ELAPOR2: variants seen among roughly 807,000 people sequenced by gnomAD.
ELAPOR2 encodes endosome-lysosome associated apoptosis and autophagy regulator family member 2, also known as endosome/lysosome-associated apoptosis and autophagy regulator family member 2.
Under a neutral mutation model 120.7 loss-of-function variants are expected in ELAPOR2, and 89 were observed. The observed-to-expected ratio is 0.74, with a 90% CI of 0.62 to 0.88. The LOEUF (loss-of-function observed/expected upper bound fraction) is 0.88, where lower values mean the gene tolerates loss of function less well. Among genes scored for constraint, ELAPOR2 ranks in the 40% least tolerant of loss-of-function variants. The pLI, the probability that ELAPOR2 is intolerant of heterozygous loss-of-function variation, is 0.00. For missense variants in ELAPOR2, 1,134 were observed against 1,251.6 expected, an observed-to-expected ratio of 0.91 and a Z score of 1.42; for synonymous variants, 444 against 444.9, an observed-to-expected ratio of 1.00 and a Z score of 0.03.
chr7:86,984,741 C>A (rs1280820465), intron 1 of ELAPOR2, among the ~76,000 whole-genome samples: 1 of 151,998 alleles, frequency 6.6e-6, no homozygotes, highest in East Asian at 1.9e-4. Context: ...CATGAAAGAC[C>A]TAAAATCAAC....
chr7:87,018,048 T>C (rs1793924932), intron 1 of ELAPOR2, among the ~76,000 whole-genome samples: 1 of 152,194 alleles, frequency 6.6e-6, no homozygotes, highest in South Asian at 2.1e-4. Context: ...TTGTTTTTTT[T>C]GAGACAGAGT....
intron 2 of ELAPOR2, among the ~76,000 whole-genome samples, chr7:86,952,960 G>A (rs545639024): frequency 6.6e-6 from 1 of 152,094 alleles, no homozygotes; most frequent in Admixed American, 6.6e-5. Context: ...GCCAGGCGAG[G>A]TGGCGCACAC....
chr7:86,901,701 G>T (rs1788733958), intron 18 of ELAPOR2, among the ~76,000 whole-genome samples: 1 of 152,204 alleles, frequency 6.6e-6, no homozygotes, highest in African/African-American at 2.4e-5. Flanking sequence ...TTATCCTCCA[G>T]GATAAACTAT....
At chr7:86,925,032 T>A (rs1790004100) in intron 10 of ELAPOR2, among the ~76,000 whole-genome samples, 1 of 152,062 alleles carries the variant, frequency 6.6e-6, no homozygotes, top group African/African-American at 2.4e-5. Flanking sequence ...AATCAACAAC[T>A]GTTCTGTAGA....
At chr7:86,893,395 G>A (rs1304906965) in intron 19 of ELAPOR2, among the ~76,000 whole-genome samples, 4 of 151,624 alleles carry the variant, frequency 2.6e-5, no homozygotes, top group Non-Finnish European at 5.9e-5. Flanking sequence ...TACAGTACAT[G>A]CCAAGGAGGT....
intron 1 of ELAPOR2, among the ~76,000 whole-genome samples, chr7:87,055,838 T>C (rs1444515106): frequency 6.6e-6 from 1 of 152,236 alleles, no homozygotes; most frequent in Non-Finnish European, 1.5e-5. Flanking sequence ...ATAAACTGAA[T>C]GTGGAACAAA....
chr7:86,917,356 G>C (rs1465380847), intron 12 of ELAPOR2, among the ~76,000 whole-genome samples: 1 of 152,108 alleles, frequency 6.6e-6, no homozygotes, highest in Non-Finnish European at 1.5e-5. Flanking sequence ...GGCAGAGGTT[G>C]CAGTGAGCCG....
chr7:86,952,429 G>T (rs11979332), intron 2 of ELAPOR2, among the ~76,000 whole-genome samples: 24 of 152,118 alleles, frequency 1.6e-4, no homozygotes, highest in Non-Finnish European at 3.1e-4. Flanking sequence ...TGGGGCCTCA[G>T]AGAAAATTCA....
At chr7:86,906,539 AC>A (rs1789024446) in intron 18 of ELAPOR2, among the ~76,000 whole-genome samples, 3 of 152,312 alleles carry the variant, frequency 2.0e-5, no homozygotes, top group African/African-American at 7.2e-5. Flanking sequence ...CAATGCTTAC[AC>A]CACTGATTTC....
intron 1 of ELAPOR2, among the ~76,000 whole-genome samples, chr7:87,026,887 G>T (rs1173242348): frequency 6.6e-6 from 1 of 152,042 alleles, no homozygotes; most frequent in Non-Finnish European, 1.5e-5. Flanking sequence ...TGCTGAAAAA[G>T]AAGCAACTCT....
At chr7:87,017,026 AAATT>A (rs1793891771) in intron 1 of ELAPOR2, among the ~76,000 whole-genome samples, 1 of 152,176 alleles carries the variant, frequency 6.6e-6, no homozygotes, top group Non-Finnish European at 1.5e-5. Context: ...TTGGAAAAAT[AAATT>A]AGAGAGGAAG....
At chr7:86,989,035 AG>A (rs1792852981) in intron 1 of ELAPOR2, among the ~76,000 whole-genome samples, 3 of 152,250 alleles carry the variant, frequency 2.0e-5, no homozygotes, top group Non-Finnish European at 2.9e-5. Flanking sequence ...TAAAACCATA[AG>A]TAACTATAAA....
At chr7:86,928,619 C>T (rs978145634) in intron 8 of ELAPOR2, among the ~76,000 whole-genome samples, 1 of 151,748 alleles carries the variant, frequency 6.6e-6, no homozygotes, top group Non-Finnish European at 1.5e-5. Context: ...TCTTAATTTG[C>T]CCAAAAGTCA....
chr7:86,973,066 T>C (rs1412279388), intron 1 of ELAPOR2, among the ~76,000 whole-genome samples: 1 of 152,146 alleles, frequency 6.6e-6, no homozygotes, highest in African/African-American at 2.4e-5. Flanking sequence ...CATCTCCTGC[T>C]GTCCAGATGA....
At chr7:86,938,027 G>A (rs1008960608) in intron 8 of ELAPOR2, 99 bp downstream of exon 8, 26 of 857,130 alleles carry the variant, frequency 3.0e-5, no homozygotes, top group Admixed American at 2.7e-4. Flanking sequence ...ACTTACATAC[G>A]TGTGTCATAA....
intron 1 of ELAPOR2, among the ~76,000 whole-genome samples, chr7:87,008,936 G>A (rs1793569240): frequency 6.6e-6 from 1 of 151,998 alleles, no homozygotes; most frequent in South Asian, 2.1e-4. Context: ...AAACATAAGT[G>A]AGCCACAAAA....
intron 5 of ELAPOR2, among the ~76,000 whole-genome samples, chr7:86,940,854 C>T (rs966635271): frequency 2.0e-5 from 3 of 152,030 alleles, no homozygotes; most frequent in Admixed American, 6.6e-5. Flanking sequence ...TTCAGTGAAG[C>T]AGTACATTAA....
intron 1 of ELAPOR2, among the ~76,000 whole-genome samples, chr7:87,020,572 C>T (rs1367242732): frequency 1.3e-5 from 2 of 151,922 alleles, no homozygotes; most frequent in Non-Finnish European, 2.9e-5. Flanking sequence ...ATAGATAAAT[C>T]ACATAAAATG....
chr7:86,888,317 G>A (rs1187251718), intron 21 of ELAPOR2, among the ~76,000 whole-genome samples: 1 of 152,042 alleles, frequency 6.6e-6, no homozygotes, highest in East Asian at 1.9e-4. Flanking sequence ...GAGACAAGCT[G>A]GTTTTTTAGC....
Sources: gnomAD v4.1 joint callset for allele counts (sites outside exome capture counted in the v4.1 genomes callset) on GRCh38, gnomAD v4.1.1 for gene constraint, MANE v1.5 for transcripts, NCBI Gene and HGNC (gene_info 2026-07-23, HGNC 2026-07-21) for gene names.